AKR1B15: variants seen among roughly 807,000 people sequenced by gnomAD.
AKR1B15 encodes the protein estradiol 17-beta-dehydrogenase AKR1B15.
AKR1B15 carries 49 observed loss-of-function variants against 38.5 expected under a neutral mutation model. The ratio of observed to expected loss-of-function variants is 1.27; its 90% CI spans 1.01 to 1.62. The LOEUF (loss-of-function observed/expected upper bound fraction) is 1.62. AKR1B15 is among the 40% of genes most tolerant of loss of function. The pLI, the probability that AKR1B15 is intolerant of heterozygous loss-of-function variation, is 0.00. For missense variants in AKR1B15, 411 were observed against 381.6 expected, an observed-to-expected ratio of 1.08 and a Z score of -0.64; for synonymous variants, 137 against 135.5, an observed-to-expected ratio of 1.01 and a Z score of -0.08.
chr7:134,566,236 A>G (rs532075483), intron 3 of AKR1B15, among the ~76,000 whole-genome samples: 8 of 152,208 alleles, frequency 5.3e-5, no homozygotes, highest in Non-Finnish European at 1.2e-4. Context: ...TCAAGGCTGC[A>G]GTGAGCAGTG....
At chr7:134,577,886 C>T (rs2117675248) in intron 11 of AKR1B15, 100 bp downstream of exon 11, 4 of 1,345,582 alleles carry the variant, frequency 3.0e-6, no homozygotes, top group South Asian at 1.3e-5. Flanking sequence ...CTACTTGTGT[C>T]TTCAAATACT....
At chr7:134,554,563 G>A (rs1390985660) in intron 1 of AKR1B15, among the ~76,000 whole-genome samples, 2 of 152,190 alleles carry the variant, frequency 1.3e-5, no homozygotes. Context: ...CAGCTCTCCA[G>A]TAAACGGCTT....
At chr7:134,562,882 CTTTCTTTCCTT>C (rs1562947122) in intron 2 of AKR1B15, among the ~76,000 whole-genome samples, 2 of 130,236 alleles carry the variant, frequency 1.5e-5, no homozygotes, top group East Asian at 4.2e-4. Flanking sequence ...TTCTTTCTTT[CTTTCTTTCCTT>C]CTTTCTTCCT....
In AKR1B15 at chr7:134,579,681, T is replaced by C; in HGVS notation, c.*132T>C. ...AACTTTGTCCTGTTGTAGACCAGAATGGAGGTGCTGTTTTAGACATGTATT... is the reference window on the plus strand; with the variant it reads ...AACTTTGTCCTGTTGTAGACCAGAACGGAGGTGCTGTTTTAGACATGTATT... On this transcript the variant is annotated 3_prime_UTR_variant, in exon 12 of 12. Transcript: ENST00000457545. 1.4e-6 allele frequency: 1 copy of C among 724,768 alleles called. No individual in the cohort carries two copies. The highest frequency in any genetic ancestry group is 2.2e-6 in the Non-Finnish European group (1 of 455,180). The allele number at this position is 724,768 out of a possible 1,614,324, so 44.9% of individuals were successfully genotyped here. A position where few individuals can be genotyped will look rare whatever the true frequency, so the allele number is the denominator to read the frequency against.
At chr7:134,550,930 A>T (rs1361889044) in intron 1 of AKR1B15, among the ~76,000 whole-genome samples, 1 of 151,490 alleles carries the variant, frequency 6.6e-6, no homozygotes, top group African/African-American at 2.4e-5. Context: ...CGTTGTTGGA[A>T]CTCCCGGTCA....
intron 5 of AKR1B15, among the ~76,000 whole-genome samples, chr7:134,570,638 A>G (rs1794648894): frequency 6.6e-6 from 1 of 152,176 alleles, no homozygotes; most frequent in Non-Finnish European, 1.5e-5. Flanking sequence ...TCAGGGGCGG[A>G]TTCACCCAAT....
intron 1 of AKR1B15, among the ~76,000 whole-genome samples, chr7:134,553,716 G>A (rs1368315367): frequency 6.6e-6 from 1 of 152,236 alleles, no homozygotes; most frequent in African/African-American, 2.4e-5. Flanking sequence ...TTTAAATCCA[G>A]CTACCTTGTT....
intron 5 of AKR1B15, among the ~76,000 whole-genome samples, chr7:134,570,641 C>T (rs2117660809): frequency 6.6e-6 from 1 of 152,304 alleles, no homozygotes; most frequent in East Asian, 1.9e-4. Flanking sequence ...GGGGCGGATT[C>T]ACCCAATACT....
intron 6 of AKR1B15, among the ~76,000 whole-genome samples, chr7:134,573,783 G>T (rs571778142): frequency 6.6e-5 from 10 of 152,266 alleles, no homozygotes; most frequent in African/African-American, 2.2e-4. Flanking sequence ...TATGCTAGTG[G>T]TTCTCAACGT....
chr7:134,558,562 A>C (rs140709717), intron 2 of AKR1B15, among the ~76,000 whole-genome samples: 1 of 152,226 alleles, frequency 6.6e-6, no homozygotes, highest in East Asian at 1.9e-4. Context: ...CTCCACAGGA[A>C]GAGTAGAGTG....
intron 2 of AKR1B15, among the ~76,000 whole-genome samples, chr7:134,559,741 A>G (rs1265232924): frequency 6.6e-6 from 1 of 152,222 alleles, no homozygotes; most frequent in Non-Finnish European, 1.5e-5. Flanking sequence ...AAAACCAGGA[A>G]TAGCTTGGTA....
At chr7:134,569,937 T>A (rs1359933661) in intron 5 of AKR1B15, 2 of 180,970 alleles carry the variant, frequency 1.1e-5, no homozygotes, top group African/African-American at 2.4e-5. Flanking sequence ...AAGAACAGGA[T>A]AACAGCGATG....
chr7:134,561,609 A>G (rs937142092), intron 2 of AKR1B15, among the ~76,000 whole-genome samples: 1 of 152,226 alleles, frequency 6.6e-6, no homozygotes, highest in Non-Finnish European at 1.5e-5. Context: ...ATTGCCTTCT[A>G]TGAGCTGTCG....
chr7:134,579,395 G>C (rs1794835291), intron 11 of AKR1B15, 112 bp from the exon 12 acceptor site: 2 of 849,160 alleles, frequency 2.4e-6, no homozygotes, highest in Non-Finnish European at 3.5e-6. Context: ...TTGCAGGGAG[G>C]AGGCTGAGAG....
rs575335251 is a variant in AKR1B15 at position 134,554,286 on chromosome 7, C to A, written c.-146-2450C>A. On this transcript the variant is annotated intron_variant, in intron 1 of 11. Coordinates refer to ENST00000457545, the MANE Select transcript of AKR1B15 (RefSeq NM_001080538.3). ...GCTCCTGGTCGTGCCTTTAACCCTG[C>A]TGCCCTCTGTGTCCTTTCCACAACT... 3.3e-5 allele frequency among the ~76,000 whole-genome samples: 5 copies of A among 152,268 alleles called. No individual in the cohort carries two copies. In the East Asian group the frequency reaches 9.7e-4, roughly 29 times the overall value.
At chr7:134,565,434 G>T (rs759120715) in intron 3 of AKR1B15, 1 of 1,611,768 alleles carries the variant, frequency 6.2e-7, no homozygotes, top group South Asian at 1.1e-5. Flanking sequence ...GACACAGCAG[G>T]ACGTGAGACT....
rs1212486830 is a variant in AKR1B15, at chr7:134,568,111, C to T, written c.151-47C>T. 8 of 1,606,502 alleles carry T rather than the reference C, an allele frequency of 5.0e-6. No individual in the cohort carries two copies. The Admixed American group carries it at 8.5e-5, about 17-fold the overall frequency. ...TGGGCAACATGGCAAGGTCTCATCTCTTAAAAAAAAAATACATGTGTGATG... is the reference window on the plus strand; with the variant it reads ...TGGGCAACATGGCAAGGTCTCATCTTTTAAAAAAAAAATACATGTGTGATG... On this transcript the variant is annotated intron_variant, in intron 3 of 11. Transcript: ENST00000457545.
At chr7:134,564,982 C>T (rs781346174) in intron 3 of AKR1B15, 55 of 372,294 alleles carry the variant, frequency 1.5e-4, no homozygotes, top group African/African-American at 3.9e-4. Context: ...TCTGTAAAAA[C>T]GCAGCAATCA....
chr7:134,577,154 T>G, intron 10 of AKR1B15, 108 bp downstream of exon 10: 2 of 1,141,196 alleles, frequency 1.8e-6, no homozygotes, highest in Non-Finnish European at 2.6e-6. Context: ...GGCCCCCTCC[T>G]TCCCCACCAC....
Sources: gnomAD v4.1 joint callset for allele counts (sites outside exome capture counted in the v4.1 genomes callset) on GRCh38, gnomAD v4.1.1 for gene constraint, MANE v1.5 for transcripts, NCBI Gene and HGNC (gene_info 2026-07-23, HGNC 2026-07-21) for gene names.